Variants in CSNK1D observed in about 807,000 individuals in gnomAD.
CSNK1D encodes casein kinase 1 delta, also known as casein kinase I isoform delta.
A neutral mutation model predicts 46.6 loss-of-function variants in CSNK1D; 16 were observed. That is an observed-to-expected ratio of 0.34 (90% CI 0.23 to 0.52). The LOEUF (loss-of-function observed/expected upper bound fraction) is 0.52. Ranked by LOEUF, CSNK1D falls within the 20% of genes least tolerant of loss-of-function variation. The pLI, the probability that CSNK1D is intolerant of heterozygous loss-of-function variation, is 0.95. For synonymous variants in CSNK1D, 276 were observed against 228.2 expected (o/e 1.21, Z -1.89); for missense variants, 398 against 578.4 (o/e 0.69, Z 3.20).
intron 2 of CSNK1D, among the ~76,000 whole-genome samples, chr17:82,259,017 G>A (rs2051257846): frequency 6.6e-6 from 1 of 152,232 alleles, no homozygotes; most frequent in African/African-American, 2.4e-5. Context: ...TCAGGAAAGA[G>A]AAGTGGCTGG....
In CSNK1D at chr17:82,251,348, A is replaced by T. The variant is rs201926813; in HGVS notation, c.885+31T>A. The stretch of plus-strand genomic sequence containing the variant: ...TGACAAGCCATCCCCCGCACACCAC[A>T]CTCAGCGAACGTGCTGGCAGTGCGA... On this transcript the variant is annotated intron_variant, in intron 6 of 8. Coordinates refer to ENST00000314028, the MANE Select transcript of CSNK1D (RefSeq NM_001893.6). The surrounding 1 kb of genome is among the most constrained non-coding windows in gnomAD (Gnocchi z 4.5). The T allele has an allele frequency of 6.2e-7, 1 of 1,613,546 alleles. No individual in the cohort carries two copies. Among genetic ancestry groups the T allele is most frequent in the Non-Finnish European group, 8.5e-7 (1 of 1,179,702 alleles).
intron 8 of CSNK1D, chr17:82,247,121 G>C: frequency 9.1e-6 from 9 of 985,496 alleles, no homozygotes; most frequent in Non-Finnish European, 1.1e-5. Context: ...CAGAGGCCAA[G>C]AGGCTTCTTT....
chr17:82,241,327 T>TC (rs2050739424), downstream of CSNK1D, among the ~76,000 whole-genome samples: 1 of 152,164 alleles, frequency 6.6e-6, no homozygotes, highest in Non-Finnish European at 1.5e-5. Context: ...CCCTCAGCCT[T>TC]CCGAGGGGTC....
At chr17:82,263,396 G>T (rs1164213087) in intron 2 of CSNK1D, among the ~76,000 whole-genome samples, 2 of 152,192 alleles carry the variant, frequency 1.3e-5, no homozygotes, top group Non-Finnish European at 2.9e-5. Context: ...GAACATGAAG[G>T]TGCAGGCTTC....
chr17:82,255,234 G>C lies in CSNK1D; in HGVS notation c.336+195C>G, dbSNP rs942161888. On this transcript the variant is annotated intron_variant, in intron 3 of 8. Transcript: ENST00000314028. This position sits in a 1 kb window ranked among gnomAD's most constrained non-coding sequence, Gnocchi z 5.9. ...CAGTGAGCTGGGCCGCCGGAGCCTC[G>C]AGAAGCCAGTGAGCGGAGCCACCGG... is the stretch of plus-strand genomic sequence containing the variant. 10 of 693,864 alleles carry C rather than the reference G, an allele frequency of 1.4e-5. No individual in the cohort carries two copies. The highest frequency in any genetic ancestry group is 3.8e-4 in the Middle Eastern group (1 of 2,632). 43.0% of individuals were successfully genotyped at this position (693,864 alleles called of 1,614,324 possible). A position where few individuals can be genotyped will look rare whatever the true frequency, so the allele number is the denominator to read the frequency against.
intron 2 of CSNK1D, among the ~76,000 whole-genome samples, chr17:82,260,634 CGTGACTGATGGTGTACTGACTGAT>C (rs1568575469): frequency 0.011 from 1,132 of 98,666 alleles, 34 homozygotes; most frequent in African/African-American, 0.033. Context: ...TACTGAGTGA[CGTGACTGATGGTGTACTGACTGAT>C]GTGACTGATG....
Position 82,243,817 on chromosome 17 carries a change from C to G in CSNK1D, c.*964G>C, listed in dbSNP as rs1324162190. On this transcript the variant is annotated 3_prime_UTR_variant, in exon 9 of 9. Transcript: ENST00000314028. The stretch of plus-strand genomic sequence containing the variant: ...TGCAAAGGCAGCAAGGCAACAAACA[C>G]TACAGTAACCACCTCTCGGTTCACA... 6.1e-6 allele frequency: 6 copies of G among 985,420 alleles called. No homozygotes were observed. The African/African-American group carries it at 1.0e-4, about 17-fold the overall frequency. The allele number at this position is 985,420 out of a possible 1,614,324, so 61.0% of individuals were successfully genotyped here.
At chr17:82,240,709 G>C (rs73999826), downstream of CSNK1D, among the ~76,000 whole-genome samples, 558 of 152,282 alleles carry the variant, frequency 3.7e-3, 3 homozygotes, top group African/African-American at 0.012. Flanking sequence ...TGCTGCTCCC[G>C]GACAGACATG....
chr17:82,266,102 C>T (rs1197069981), intron 1 of CSNK1D, among the ~76,000 whole-genome samples: 4 of 152,244 alleles, frequency 2.6e-5, no homozygotes, highest in African/African-American at 9.6e-5. Flanking sequence ...TCTGCATCCT[C>T]CCATCAGCCC....
intron 2 of CSNK1D, among the ~76,000 whole-genome samples, chr17:82,260,118 G>A (rs1445321323): frequency 6.7e-6 from 1 of 149,508 alleles, no homozygotes; most frequent in East Asian, 2.0e-4. Flanking sequence ...TGTACTGACT[G>A]ATGTGACTGA....
At position 82,249,040 on chromosome 17, in the gene CSNK1D, G is replaced by A. The variant is rs765508349; in HGVS notation, c.1058-26C>T. The A allele has an allele frequency of 2.6e-6, 4 of 1,548,570 alleles. No individual in the cohort carries two copies. The African/African-American group carries it at 4.1e-5, about 16-fold the overall frequency. Reference sequence around the variant, plus strand: ...CTGAGGACAGGGAGAGAAACGGAGTGGGCCGCCCCCGTCTGCTGCCTCTCA... The same window carrying A: ...CTGAGGACAGGGAGAGAAACGGAGTAGGCCGCCCCCGTCTGCTGCCTCTCA... On this transcript the variant is annotated intron_variant, in intron 7 of 8. Coordinates refer to ENST00000314028, the MANE Select transcript of CSNK1D (RefSeq NM_001893.6). This position sits in a 1 kb window ranked among gnomAD's most constrained non-coding sequence, Gnocchi z 6.7.
chr17:82,249,342 C>A lies in CSNK1D; in HGVS notation c.1057+89G>T. ...CCTGACACAGGGCACTTAGTGTCCA[C>A]CACCAAGTACCCTGTTGTCCCCACC... On this transcript the variant is annotated intron_variant, in intron 7 of 8. Coordinates refer to ENST00000314028, the MANE Select transcript of CSNK1D (RefSeq NM_001893.6). The surrounding 1 kb of genome is among the most constrained non-coding windows in gnomAD (Gnocchi z 6.7). The A allele has an allele frequency of 7.6e-7, 1 of 1,320,432 alleles. No homozygotes were observed. Among genetic ancestry groups the A allele is most frequent in the Non-Finnish European group, 1.1e-6 (1 of 952,138 alleles). The allele number at this position is 1,320,432 out of a possible 1,614,324, so 81.8% of individuals were successfully genotyped here.
rs954446433 is a variant in CSNK1D, at chr17:82,252,750, C to T, written c.566-146G>A. The stretch of plus-strand genomic sequence containing the variant: ...TGGCACTTCCAGTGGAGACGAACCT[C>T]GGACACACATGCCCAGATCACTCTC... On this transcript the variant is annotated intron_variant, in intron 4 of 8. Coordinates refer to ENST00000314028, the MANE Select transcript of CSNK1D (RefSeq NM_001893.6). The surrounding 1 kb of genome is among the most constrained non-coding windows in gnomAD (Gnocchi z 4.6). 31 of 872,060 alleles carry T rather than the reference C, an allele frequency of 3.6e-5. No individual in the cohort carries two copies. The highest frequency in any genetic ancestry group is 5.3e-5 in the Non-Finnish European group (29 of 542,378). 54.0% of individuals were successfully genotyped at this position (872,060 alleles called of 1,614,324 possible).
chr17:82,255,704 A>T lies in CSNK1D; in HGVS notation c.188-127T>A. The stretch of plus-strand genomic sequence containing the variant: ...ACGGGGGAGGGGTGGTGGAGGTAGA[A>T]GACCCCGGCAACGCCGCTCCTCAGG... On this transcript the variant is annotated intron_variant, in intron 2 of 8. Transcript: ENST00000314028. The surrounding 1 kb of genome is among the most constrained non-coding windows in gnomAD (Gnocchi z 5.9). 8.3e-7 allele frequency: 1 copy of T among 1,207,052 alleles called. No homozygotes were observed. Among genetic ancestry groups the T allele is most frequent in the Non-Finnish European group, 1.2e-6 (1 of 823,150 alleles). The allele number at this position is 1,207,052 out of a possible 1,614,324, so 74.8% of individuals were successfully genotyped here. A position where few individuals can be genotyped will look rare whatever the true frequency, so the allele number is the denominator to read the frequency against.
rs1379665622 is a variant in CSNK1D at position 82,243,480 on chromosome 17, G to A, written c.*1301C>T. On this transcript the variant is annotated 3_prime_UTR_variant, in exon 9 of 9. Transcript: ENST00000314028. ...CAGCATGGAGCCTGGGGCAGCACCA[G>A]CTCACGGAGGCCACCTGCCTTCTGG... 2 of 985,426 alleles carry A rather than the reference G, an allele frequency of 2.0e-6. No homozygotes were observed. Among genetic ancestry groups the A allele is most frequent in the East Asian group, 2.3e-4 (2 of 8,826 alleles). 61.0% of individuals were successfully genotyped at this position (985,426 alleles called of 1,614,324 possible).
At position 82,243,522 on chromosome 17, in the gene CSNK1D, G is replaced by A. The variant is rs2050777955; in HGVS notation, c.*1259C>T. The stretch of plus-strand genomic sequence containing the variant: ...GCCTTCTGGTGGGACTCGGCCCCAC[G>A]CACGCTGCTTCACTTCTGACCAACA... On this transcript the variant is annotated 3_prime_UTR_variant, in exon 9 of 9. Transcript: ENST00000314028. 8 of 985,348 alleles carry A rather than the reference G, an allele frequency of 8.1e-6. No homozygotes were observed. The South Asian group carries it at 1.4e-4, about 17-fold the overall frequency. The allele number at this position is 985,348 out of a possible 1,614,324, so 61.0% of individuals were successfully genotyped here. A position where few individuals can be genotyped will look rare whatever the true frequency, so the allele number is the denominator to read the frequency against.
intron 1 of CSNK1D, among the ~76,000 whole-genome samples, chr17:82,269,096 TAAAAA>T (rs766007194): frequency 3.8e-5 from 4 of 105,380 alleles, no homozygotes; most frequent in South Asian, 3.1e-4. Context: ...TACTTTGTCT[TAAAAA>T]AAAAAAAAAA....
chr17:82,260,393 CTGAT>C (rs2051302365), intron 2 of CSNK1D, among the ~76,000 whole-genome samples: 1 of 145,934 alleles, frequency 6.9e-6, no homozygotes, highest in Admixed American at 6.8e-5. Flanking sequence ...GGTGTACTGA[CTGAT>C]GGTGTACTGA....
rs1484202328 is a variant in CSNK1D, at chr17:82,265,694, T to A, written c.179A>T (p.Gln60Leu). 3 of 1,613,156 alleles carry A rather than the reference T, an allele frequency of 1.9e-6. No homozygotes were observed. The highest frequency in any genetic ancestry group is 2.5e-6 in the Non-Finnish European group (3 of 1,179,200). The change falls in exon 2 of 9, where the codon CAG (glutamine) becomes CTG (leucine). Residue 60 changes from glutamine (Q) to leucine (L), a missense_variant. Gln to Leu is a moderately radical substitution (Grantham distance 113). Transcript: ENST00000314028. ...HIESKIYKMM[Q>L]GGVGIPTIRW... ...GACTGGTAAAGACCTACCTCCTCCC[T>A]GCATCATCTTGTAGATTTTGCTCTC...
Sources: allele counts gnomAD v4.1 joint callset (sites outside exome capture counted in the v4.1 genomes callset), GRCh38; gene constraint gnomAD v4.1.1; non-coding constraint Gnocchi (gnomAD v3.1); transcripts MANE v1.5; gene names NCBI Gene and HGNC (gene_info 2026-07-23, HGNC 2026-07-21).